The following AADACL4 variants were observed in gnomAD, a reference collection of about 807,000 sequenced individuals.
AADACL4 encodes arylacetamide deacetylase-like 4.
In AADACL4, 9 loss-of-function variants were observed where a neutral mutation model predicts 14.1. The ratio of observed to expected loss-of-function variants is 0.64; its 90% CI spans 0.39 to 1.12. The LOEUF (loss-of-function observed/expected upper bound fraction) is 1.12. Among genes scored for constraint, AADACL4 ranks in the 50% most tolerant of loss-of-function variants. The pLI is 0.01. For missense variants in AADACL4, 531 were observed against 516.1 expected (o/e 1.03, Z -0.28); for synonymous variants, 188 against 201.6 (o/e 0.93, Z 0.57).
chr1:12,654,855 G>A (rs997472668), intron 2 of AADACL4, among the ~76,000 whole-genome samples: 5 of 150,994 alleles, frequency 3.3e-5, no homozygotes, highest in African/African-American at 1.2e-4. Context: ...GGCCCTCTCC[G>A]GGGTAGGGGT....
chr1:12,652,604 A>T (rs1313447066), intron 2 of AADACL4, among the ~76,000 whole-genome samples: 1 of 152,256 alleles, frequency 6.6e-6, no homozygotes, highest in Non-Finnish European at 1.5e-5. Flanking sequence ...AGGAAGTGGG[A>T]TGGACTCAAG....
chr1:12,647,059 G>T (rs1419452892), intron 1 of AADACL4, among the ~76,000 whole-genome samples: 1 of 149,392 alleles, frequency 6.7e-6, no homozygotes, highest in Non-Finnish European at 1.5e-5. Context: ...TCATGTTTTT[G>T]TGCCTTTATT....
At chr1:12,651,951 C>T (rs1043462535) in intron 2 of AADACL4, among the ~76,000 whole-genome samples, 5 of 151,726 alleles carry the variant, frequency 3.3e-5, no homozygotes, top group African/African-American at 7.3e-5. Flanking sequence ...GCCTCAGCCT[C>T]CCAAGTAGCT....
intron 1 of AADACL4, among the ~76,000 whole-genome samples, chr1:12,650,309 A>G (rs1019503604): frequency 1.3e-5 from 2 of 152,208 alleles, no homozygotes; most frequent in African/African-American, 4.8e-5. Context: ...TATTAGTTTA[A>G]AAACACATTA....
chr1:12,644,100 G>C lies in AADACL4; in HGVS notation c.-447G>C, dbSNP rs1309183242. Among the ~76,000 whole-genome samples the C allele has an allele frequency of 6.6e-6, 1 of 152,210 alleles. No homozygotes were observed. Among genetic ancestry groups the C allele is most frequent in the African/African-American group, 2.4e-5 (1 of 41,436 alleles). Reference sequence around the variant, plus strand: ...ACTGGGGTTAGGGAAGCTAGCTAGGGAGCTGGGGTGAGACGTGCTGTGCTC... The same window carrying C: ...ACTGGGGTTAGGGAAGCTAGCTAGGCAGCTGGGGTGAGACGTGCTGTGCTC... On this transcript the variant is annotated 5_prime_UTR_variant, in exon 1 of 4. Coordinates refer to ENST00000376221, the MANE Select transcript of AADACL4 (RefSeq NM_001013630.2).
chr1:12,656,921 G>T (rs76995304), intron 2 of AADACL4, among the ~76,000 whole-genome samples: 1,603 of 152,140 alleles, frequency 0.011, 26 homozygotes, highest in African/African-American at 0.037. Context: ...CAGGTGGACT[G>T]CTCGAGCTCA....
intron 1 of AADACL4, among the ~76,000 whole-genome samples, chr1:12,650,371 T>G (rs557337255): frequency 6.6e-6 from 1 of 152,290 alleles, no homozygotes; most frequent in South Asian, 2.1e-4. Context: ...ACGTTGCTCT[T>G]TTTCATTGAA....
At position 12,666,726 on chromosome 1, in the gene AADACL4, G is replaced by C. The variant is rs539045497; in HGVS notation, c.1215G>C (p.Lys405Asn). The C allele has an allele frequency of 1.2e-6, 2 of 1,606,652 alleles. No homozygotes were observed. Among genetic ancestry groups the C allele is most frequent in the Non-Finnish European group, 8.5e-7 (1 of 1,178,342 alleles). The change falls in exon 4 of 4, where the codon AAG (lysine) becomes AAC (asparagine). Residue 405 changes from lysine (K) to asparagine (N), a missense_variant. Coordinates refer to ENST00000376221, the MANE Select transcript of AADACL4 (RefSeq NM_001013630.2). ...KIVNAVVSYI[K>N]GI is the part of the protein sequence containing the mutation. ...TGAATGCTGTAGTCAGTTATATAAA[G>C]GGCATATGATAGTAACCCTGGGGCC...
At chr1:12,658,133 TTC>T (rs1647196326) in intron 2 of AADACL4, among the ~76,000 whole-genome samples, 84 of 134,070 alleles carry the variant, frequency 6.3e-4, no homozygotes, top group African/African-American at 2.7e-3. Context: ...CCTTCCTTCC[TTC>T]CTTCCTTTCT....
At position 12,644,690 on chromosome 1, in the gene AADACL4, CAT is replaced by C. The variant is rs1259297165; in HGVS notation, c.147_148del (p.Phe50ProfsTer11). 6.2e-7 allele frequency: 1 copy of C among 1,614,108 alleles called. No homozygotes were observed. The highest frequency in any genetic ancestry group is 2.2e-5 in the East Asian group (1 of 44,876). On this transcript the variant is annotated frameshift_variant, in exon 1 of 4. Coordinates refer to ENST00000376221, the MANE Select transcript of AADACL4 (RefSeq NM_001013630.2). LOFTEE classifies it high-confidence loss of function. The stretch of plus-strand genomic sequence containing the variant: ...CTGCCAAGTTGAGATTCCTGCATTG[CAT>C]ATTCCTCTACCTGGTCACTTTGGTG... ...HPAKLRFLHC[I>X]FLYLVTLGNI...
chr1:12,656,118 C>T (rs183830004), intron 2 of AADACL4, among the ~76,000 whole-genome samples: 6 of 152,266 alleles, frequency 3.9e-5, no homozygotes, highest in South Asian at 4.1e-4. Context: ...TTGACAGAGA[C>T]GGAAAGTTAC....
At chr1:12,646,627 C>T (rs116408352) in intron 1 of AADACL4, among the ~76,000 whole-genome samples, 204 of 152,318 alleles carry the variant, frequency 1.3e-3, no homozygotes, top group African/African-American at 4.6e-3. Flanking sequence ...AAAACGAGGG[C>T]CTAAGATGTT....
At chr1:12,648,250 A>T (rs1265267891) in intron 1 of AADACL4, among the ~76,000 whole-genome samples, 1 of 152,088 alleles carries the variant, frequency 6.6e-6, no homozygotes, top group African/African-American at 2.4e-5. Flanking sequence ...GATTGCAGGC[A>T]TGAGCCACCG....
intron 1 of AADACL4, among the ~76,000 whole-genome samples, chr1:12,649,038 T>G (rs1191408868): frequency 6.6e-6 from 1 of 152,182 alleles, no homozygotes; most frequent in Non-Finnish European, 1.5e-5. Context: ...GCATTTGGTT[T>G]GGTGGTAGGA....
At chr1:12,661,096 A>G (rs1469648772) in intron 2 of AADACL4, among the ~76,000 whole-genome samples, 1 of 152,198 alleles carries the variant, frequency 6.6e-6, no homozygotes, top group Admixed American at 6.5e-5. Flanking sequence ...CTCAAAGAGC[A>G]TTAATGAGGC....
intron 2 of AADACL4, among the ~76,000 whole-genome samples, chr1:12,660,352 T>C (rs1647216732): frequency 1.3e-5 from 2 of 152,220 alleles, no homozygotes; most frequent in African/African-American, 4.8e-5. Context: ...GGCTGAGTGT[T>C]GTGGGGCTCC....
chr1:12,646,348 G>A (rs1215746104), intron 1 of AADACL4, among the ~76,000 whole-genome samples: 2 of 152,212 alleles, frequency 1.3e-5, no homozygotes, highest in Non-Finnish European at 2.9e-5. Flanking sequence ...GTCTAGAGAT[G>A]TTTAGTGAAT....
intron 1 of AADACL4, among the ~76,000 whole-genome samples, chr1:12,645,829 C>G (rs1426084522): frequency 6.6e-6 from 1 of 152,198 alleles, no homozygotes; most frequent in Non-Finnish European, 1.5e-5. Context: ...CAGGTGTGAG[C>G]CACTGCACCT....
chr1:12,664,949 C>A (rs1158261913), intron 3 of AADACL4, among the ~76,000 whole-genome samples: 5 of 152,150 alleles, frequency 3.3e-5, no homozygotes, highest in Non-Finnish European at 7.4e-5. Context: ...AAGACCAACG[C>A]CCTAGTGTTC....
Sources: gnomAD v4.1 joint callset for allele counts (sites outside exome capture counted in the v4.1 genomes callset) on GRCh38, gnomAD v4.1.1 for gene constraint, MANE v1.5 for transcripts, NCBI Gene and HGNC (gene_info 2026-07-23, HGNC 2026-07-21) for gene names.